Variants in HDAC9 observed in about 807,000 individuals in gnomAD.
The protein encoded by HDAC9 is MEF-2 interacting transcription repressor (MITR) protein.
A neutral mutation model predicts 139.4 loss-of-function variants in HDAC9; 41 were observed. That is an observed-to-expected ratio of 0.29 (90% confidence interval 0.23 to 0.38). The LOEUF (loss-of-function observed/expected upper bound fraction) is 0.38, where lower values mean the gene tolerates loss of function less well. Ranked by LOEUF, HDAC9 falls within the 10% of genes least tolerant of loss-of-function variation. The pLI, the probability that HDAC9 is intolerant of heterozygous loss-of-function variation, is 1.00. For missense variants in HDAC9, 1,147 were observed against 1,297.0 expected (o/e 0.88, Z 1.78); for synonymous variants, 517 against 476.2 (o/e 1.09, Z -1.12).
chr7:18,870,805 T>C (rs561648620), intron 21 of HDAC9, among the ~76,000 whole-genome samples: 1 of 152,238 alleles, frequency 6.6e-6, no homozygotes, highest in Admixed American at 6.5e-5. Context: ...TCCCGAGTCA[T>C]TGGAACTACA....
chr7:18,461,944 A>G (rs113830880), intron 1 of HDAC9, among the ~76,000 whole-genome samples: 1,579 of 152,172 alleles, frequency 0.01, 28 homozygotes, highest in African/African-American at 0.036. Context: ...CATCCTCCCA[A>G]ATGTGAGGAT....
chr7:18,486,177 A>G (rs1795959955), intron 1 of HDAC9, among the ~76,000 whole-genome samples: 1 of 152,140 alleles, frequency 6.6e-6, no homozygotes, highest in African/African-American at 2.4e-5. Context: ...ATCACCTCCT[A>G]AAGGTCTCAC....
At chr7:18,368,188 A>T (rs1394600211) in intron 1 of HDAC9, among the ~76,000 whole-genome samples, 1 of 151,936 alleles carries the variant, frequency 6.6e-6, no homozygotes, top group Admixed American at 6.6e-5. Flanking sequence ...TTTTTTAACT[A>T]AACAGTTAAT....
rs564188891 is a variant in HDAC9, at chr7:18,839,398, T to C, written c.2684+3401T>C. ...GTTTATGACTTAAAATACTCAGGAGTAATAAAGCACAGTGACTTTTTACCA... is the reference window on the plus strand; with the variant it reads ...GTTTATGACTTAAAATACTCAGGAGCAATAAAGCACAGTGACTTTTTACCA... On this transcript the variant is annotated intron_variant, in intron 21 of 25. Coordinates refer to ENST00000686413, the MANE Select transcript of HDAC9 (RefSeq NM_178425.4). 2.0e-5 allele frequency among the ~76,000 whole-genome samples: 3 copies of C among 152,088 alleles called. No homozygotes were observed. The South Asian group carries it at 6.2e-4, about 32-fold the overall frequency.
At chr7:18,432,071 G>T (rs938812497) in intron 1 of HDAC9, among the ~76,000 whole-genome samples, 61 of 152,284 alleles carry the variant, frequency 4.0e-4, no homozygotes, top group Middle Eastern at 3.4e-3. Context: ...CAGCTGTTTA[G>T]CCCTATTTGT....
At chr7:18,202,899 G>A (rs1408837637) in intron 2 of HDAC9, among the ~76,000 whole-genome samples, 1 of 152,130 alleles carries the variant, frequency 6.6e-6, no homozygotes, top group Admixed American at 6.6e-5. Flanking sequence ...TCATTCCTTT[G>A]TTTCAGTTTG....
At chr7:18,600,595 G>A (rs545422299) in intron 6 of HDAC9, among the ~76,000 whole-genome samples, 11 of 152,174 alleles carry the variant, frequency 7.2e-5, no homozygotes, top group African/African-American at 1.9e-4. Flanking sequence ...TATTTGTGTG[G>A]GTTTATTTCT....
intron 13 of HDAC9, among the ~76,000 whole-genome samples, chr7:18,744,904 T>C (rs1318241167): frequency 2.0e-5 from 3 of 152,180 alleles, no homozygotes; most frequent in African/African-American, 7.2e-5. Flanking sequence ...CGTATATATG[T>C]GGAAAACAAA....
intron 2 of HDAC9, among the ~76,000 whole-genome samples, chr7:18,574,259 CT>C (rs1327199321): frequency 2.0e-5 from 3 of 152,222 alleles, no homozygotes; most frequent in Non-Finnish European, 2.9e-5. Flanking sequence ...TGGGTAGCTC[CT>C]TCCCCCAGTC....
chr7:18,539,127 A>T (rs1365223043), intron 2 of HDAC9, among the ~76,000 whole-genome samples: 2 of 152,218 alleles, frequency 1.3e-5, no homozygotes, highest in Non-Finnish European at 2.9e-5. Flanking sequence ...CAAACAAATG[A>T]AATTTAGGGA....
chr7:18,402,622 G>A (rs1787649809), intron 1 of HDAC9, among the ~76,000 whole-genome samples: 2 of 152,198 alleles, frequency 1.3e-5, no homozygotes, highest in South Asian at 4.1e-4. Flanking sequence ...GAAGGTTTCA[G>A]GCAAGTGAGA....
chr7:18,169,471 A>T (rs189107875), intron 2 of HDAC9, among the ~76,000 whole-genome samples: 28 of 148,808 alleles, frequency 1.9e-4, no homozygotes, highest in African/African-American at 5.4e-4. Flanking sequence ...CTTTTTTTTT[A>T]AATTATACTT....
chr7:18,981,411 T>C (rs984459432), intron 25 of HDAC9, among the ~76,000 whole-genome samples: 2 of 152,220 alleles, frequency 1.3e-5, no homozygotes, highest in Non-Finnish European at 2.9e-5. Context: ...AGCAGTAGAA[T>C]ACTGCAAATT....
intron 1 of HDAC9, among the ~76,000 whole-genome samples, chr7:18,474,143 A>G (rs930398701): frequency 1.3e-5 from 2 of 152,218 alleles, no homozygotes; most frequent in Non-Finnish European, 2.9e-5. Flanking sequence ...CAACTTTTCT[A>G]TGTGCATACA....
At chr7:18,213,042 T>G (rs1792059132) in intron 2 of HDAC9, among the ~76,000 whole-genome samples, 1 of 152,216 alleles carries the variant, frequency 6.6e-6, no homozygotes, top group Non-Finnish European at 1.5e-5. Flanking sequence ...ACAGCTACAG[T>G]AATACATTTT....
intron 2 of HDAC9, among the ~76,000 whole-genome samples, chr7:18,520,216 T>G (rs987429280): frequency 2.6e-5 from 4 of 152,162 alleles, no homozygotes; most frequent in Non-Finnish European, 4.4e-5. Flanking sequence ...AACTTCGTGA[T>G]ATACATCAAA....
At chr7:18,682,402 T>A (rs1453153942) in intron 12 of HDAC9, among the ~76,000 whole-genome samples, 1 of 152,064 alleles carries the variant, frequency 6.6e-6, no homozygotes, top group African/African-American at 2.4e-5. Context: ...ATTTTCCTTA[T>A]ATGTATAGAG....
intron 1 of HDAC9, among the ~76,000 whole-genome samples, chr7:18,158,471 C>A (rs1177893320): frequency 6.6e-6 from 1 of 152,188 alleles, no homozygotes; most frequent in African/African-American, 2.4e-5. Context: ...TACAGCTCTG[C>A]TCAAGTGGTC....
chr7:18,255,009 G>C (rs2128201809), intron 2 of HDAC9, among the ~76,000 whole-genome samples: 1 of 152,068 alleles, frequency 6.6e-6, no homozygotes, highest in South Asian at 2.1e-4. Context: ...ATAAATTATA[G>C]GTATGATAAA....
Sources: gnomAD v4.1 joint callset for allele counts (sites outside exome capture counted in the v4.1 genomes callset) on GRCh38, gnomAD v4.1.1 for gene constraint, MANE v1.5 for transcripts, NCBI Gene and HGNC (gene_info 2026-07-23, HGNC 2026-07-21) for gene names.